PRKG1: variants seen among roughly 807,000 people sequenced by gnomAD.
PRKG1 encodes the protein protein kinase cGMP-dependent 1.
PRKG1 carries 35 observed loss-of-function variants against 88.1 expected under a neutral mutation model. The ratio of observed to expected loss-of-function variants is 0.40; its 90% CI spans 0.30 to 0.53. The LOEUF is 0.53. PRKG1 is among the 20% of genes least tolerant of loss of function. PRKG1 has a pLI of 0.59. For synonymous variants in PRKG1, 303 were observed against 292.5 expected (o/e 1.04, Z -0.37); for missense variants, 540 against 839.8 (o/e 0.64, Z 4.41).
At chr10:51,135,418 A>G (rs1564613665) in intron 1 of PRKG1, among the ~76,000 whole-genome samples, 1 of 152,214 alleles carries the variant, frequency 6.6e-6, no homozygotes, top group Non-Finnish European at 1.5e-5. Flanking sequence ...TCTGATGGGT[A>G]TGAAAGTCAA....
At chr10:51,300,828 C>G (rs1840863941) in intron 2 of PRKG1, among the ~76,000 whole-genome samples, 1 of 152,218 alleles carries the variant, frequency 6.6e-6, no homozygotes, top group South Asian at 2.1e-4. Flanking sequence ...CTTACCCATT[C>G]CTGATGTGTT....
intron 2 of PRKG1, among the ~76,000 whole-genome samples, chr10:51,353,585 G>A (rs1486464589): frequency 6.6e-6 from 1 of 152,000 alleles, no homozygotes; most frequent in East Asian, 1.9e-4. Context: ...AAATACAAAC[G>A]CTACAATGAG....
At chr10:52,033,612 C>T (rs1342515405) in intron 5 of PRKG1, among the ~76,000 whole-genome samples, 1 of 152,136 alleles carries the variant, frequency 6.6e-6, no homozygotes, top group African/African-American at 2.4e-5. Flanking sequence ...ATTACAACTA[C>T]TATTACCAGT....
chr10:51,840,721 T>C lies in PRKG1; in HGVS notation c.698+36031T>C, dbSNP rs528084042. Among the ~76,000 whole-genome samples the C allele has an allele frequency of 5.9e-5, 9 of 152,180 alleles. 1 individual carries two copies. In the South Asian group the frequency reaches 1.9e-3, roughly 32 times the overall value. ...ACCGCCATGCCTGGCTAATTTTTTA[T>C]TCTTAGCAGAGACGGGGTTTTGCCA... On this transcript the variant is annotated intron_variant, in intron 4 of 17. Transcript: ENST00000373980.
chr10:51,793,156 A>AAAC (rs1554842272), intron 3 of PRKG1, among the ~76,000 whole-genome samples: 21 of 149,788 alleles, frequency 1.4e-4, no homozygotes, highest in Non-Finnish European at 2.7e-4. Flanking sequence ...AAAAAAAAAA[A>AAAC]AACCAGAACA....
intron 8 of PRKG1, among the ~76,000 whole-genome samples, chr10:52,152,979 C>A (rs1319696902): frequency 1.3e-5 from 2 of 152,156 alleles, no homozygotes; most frequent in Non-Finnish European, 2.9e-5. Context: ...GAGAAGGAGA[C>A]TGACCAAAAA....
At chr10:51,471,569 G>T (rs1377966937) in intron 3 of PRKG1, among the ~76,000 whole-genome samples, 3 of 151,734 alleles carry the variant, frequency 2.0e-5, no homozygotes, top group Non-Finnish European at 4.4e-5. Context: ...TTGCTTCTGT[G>T]CCCAAAGTTC....
chr10:52,001,511 C>T (rs559765264), intron 5 of PRKG1, among the ~76,000 whole-genome samples: 2 of 151,720 alleles, frequency 1.3e-5, no homozygotes, highest in African/African-American at 4.8e-5. Context: ...CTCAGTAAAA[C>T]TTGTTGAAAA....
At chr10:51,851,070 C>T (rs1840541428) in intron 4 of PRKG1, among the ~76,000 whole-genome samples, 1 of 151,908 alleles carries the variant, frequency 6.6e-6, no homozygotes, top group African/African-American at 2.4e-5. Flanking sequence ...TTGGGACAAC[C>T]CAGAAATACA....
At chr10:51,852,335 T>TAC (rs374510088) in intron 4 of PRKG1, among the ~76,000 whole-genome samples, 3 of 150,140 alleles carry the variant, frequency 2.0e-5, no homozygotes, top group African/African-American at 4.9e-5. Flanking sequence ...TATATACATA[T>TAC]ACACACACAC....
intron 1 of PRKG1, among the ~76,000 whole-genome samples, chr10:51,006,709 G>GC (rs1227246407): frequency 6.6e-6 from 1 of 151,382 alleles, no homozygotes; most frequent in African/African-American, 2.4e-5. Context: ...TGCATTTCAC[G>GC]CCCCCTCCCC....
At chr10:51,970,996 A>G (rs1843702024) in intron 5 of PRKG1, among the ~76,000 whole-genome samples, 1 of 151,764 alleles carries the variant, frequency 6.6e-6, no homozygotes, top group African/African-American at 2.4e-5. Flanking sequence ...GTGATCTATT[A>G]TGGAGTACCA....
At chr10:52,287,411 C>T (rs1290256690) in intron 14 of PRKG1, among the ~76,000 whole-genome samples, 1 of 151,944 alleles carries the variant, frequency 6.6e-6, no homozygotes, top group East Asian at 1.9e-4. Flanking sequence ...ACAGGCAAAT[C>T]TACTACTCCT....
At chr10:51,062,493 G>A (rs1051495130) in intron 1 of PRKG1, 2 of 152,098 alleles carry the variant, frequency 1.3e-5, no homozygotes, top group Middle Eastern at 3.4e-3. Context: ...TATATTTTTG[G>A]TTCGGCTTCT....
chr10:51,260,777 G>A (rs1174806785), intron 2 of PRKG1, among the ~76,000 whole-genome samples: 1 of 152,012 alleles, frequency 6.6e-6, no homozygotes, highest in Non-Finnish European at 1.5e-5. Flanking sequence ...ACAATTTTTG[G>A]TCACCAAGAA....
intron 1 of PRKG1, among the ~76,000 whole-genome samples, chr10:51,017,639 CT>C (rs1843084887): frequency 6.6e-6 from 1 of 152,096 alleles, no homozygotes; most frequent in African/African-American, 2.4e-5. Context: ...AACAGTTGCA[CT>C]GACTTCAAAT....
chr10:52,297,434 TG>T lies in PRKG1; in HGVS notation c.*3535del, dbSNP rs1468689361. On this transcript the variant is annotated 3_prime_UTR_variant, in exon 18 of 18. Coordinates refer to ENST00000373980, the MANE Select transcript of PRKG1 (RefSeq NM_006258.4). Reference sequence around the variant, plus strand: ...TGACAAAGACAAACACACCTCAAAATGTTGTCCTTTCTTAGCTTGCTGCGTT... The same window carrying T: ...TGACAAAGACAAACACACCTCAAAATTTGTCCTTTCTTAGCTTGCTGCGTT... The T allele has an allele frequency of 2.0e-5, 3 of 152,144 alleles. No individual in the cohort carries two copies. Among genetic ancestry groups the T allele is most frequent in the Non-Finnish European group, 2.9e-5 (2 of 68,014 alleles). 9.4% of individuals were successfully genotyped at this position (152,144 alleles called of 1,614,324 possible).
chr10:51,916,586 G>A (rs1415950512), intron 5 of PRKG1, among the ~76,000 whole-genome samples: 1 of 151,984 alleles, frequency 6.6e-6, no homozygotes, highest in Non-Finnish European at 1.5e-5. Context: ...ATTCTTTCTT[G>A]TGTGATATCC....
intron 3 of PRKG1, among the ~76,000 whole-genome samples, chr10:51,682,399 C>G (rs1840873969): frequency 6.6e-6 from 1 of 152,166 alleles, no homozygotes; most frequent in African/African-American, 2.4e-5. Flanking sequence ...TCTCTGGTAA[C>G]AAATCTTCCT....
Sources: gnomAD v4.1 joint callset for allele counts (sites outside exome capture counted in the v4.1 genomes callset) on GRCh38, gnomAD v4.1.1 for gene constraint, MANE v1.5 for transcripts, NCBI Gene and HGNC (gene_info 2026-07-23, HGNC 2026-07-21) for gene names.